Variants in IRAK2 observed in about 807,000 individuals in gnomAD.
The protein encoded by IRAK2 is interleukin-1 receptor-associated kinase-like 2.
A neutral mutation model predicts 72.0 loss-of-function variants in IRAK2; 57 were observed. The observed-to-expected ratio is 0.79, with a 90% CI of 0.64 to 0.99. The LOEUF (loss-of-function observed/expected upper bound fraction) is 0.99, where lower values mean the gene tolerates loss of function less well. Among genes scored for constraint, IRAK2 ranks in the 50% least tolerant of loss-of-function variants. The pLI is 0.00. For synonymous variants in IRAK2, 293 were observed against 312.7 expected (o/e 0.94, Z 0.67); for missense variants, 790 against 794.4 (o/e 0.99, Z 0.07).
intron 7 of IRAK2, among the ~76,000 whole-genome samples, chr3:10,218,174 A>G (rs1185697529): frequency 6.6e-6 from 1 of 152,204 alleles, no homozygotes; most frequent in African/African-American, 2.4e-5. Flanking sequence ...CTGTAATCCC[A>G]GTACATTGGG....
intron 2 of IRAK2, among the ~76,000 whole-genome samples, chr3:10,192,175 C>T (rs149186281): frequency 1.3e-5 from 2 of 152,096 alleles, no homozygotes; most frequent in Non-Finnish European, 2.9e-5. Context: ...CCAGCTGGCA[C>T]GAGGGTGCTT....
chr3:10,170,864 C>T (rs1253815686), intron 1 of IRAK2, among the ~76,000 whole-genome samples: 1 of 152,242 alleles, frequency 6.6e-6, no homozygotes. Flanking sequence ...AGTCCCAGTG[C>T]TCCAGTTCCC....
At chr3:10,196,259 T>C (rs1490659105) in intron 2 of IRAK2, among the ~76,000 whole-genome samples, 12 of 152,150 alleles carry the variant, frequency 7.9e-5, no homozygotes, top group African/African-American at 2.7e-4. Context: ...GGACTACAGG[T>C]GTGCACCACC....
intron 7 of IRAK2, 35 bp downstream of exon 7, chr3:10,217,083 A>C: frequency 1.4e-6 from 2 of 1,457,418 alleles, no homozygotes; most frequent in Non-Finnish European, 1.9e-6. Flanking sequence ...GAATGGGACC[A>C]GGCTGCACCC....
At chr3:10,231,796 T>C (rs2125163604) in intron 10 of IRAK2, among the ~76,000 whole-genome samples, 1 of 152,280 alleles carries the variant, frequency 6.6e-6, no homozygotes, top group African/African-American at 2.4e-5. Context: ...ATTACAGGTG[T>C]GAACCACCAC....
intron 6 of IRAK2, 95 bp from the exon 7 acceptor site, chr3:10,216,839 T>C (rs1462154093): frequency 2.2e-6 from 2 of 898,194 alleles, no homozygotes; most frequent in South Asian, 1.4e-5. Flanking sequence ...ATTGGTGGCG[T>C]TGGAGGAGGA....
At chr3:10,237,929 CTGTGTGTGTGTGTGTGTGTGTGTG>C (rs138639711) in intron 11 of IRAK2, among the ~76,000 whole-genome samples, 22 of 138,328 alleles carry the variant, frequency 1.6e-4, no homozygotes, top group African/African-American at 5.9e-4. Flanking sequence ...TATGTGTGCT[CTGTGTGTGTGTGTGTGTGTGTGTG>C]TGTGTGTGTG....
In IRAK2 at chr3:10,213,402, G is replaced by A. The variant is rs998737701; in HGVS notation, c.723+1G>A. On this transcript the variant is annotated splice_donor_variant, in intron 5 of 12. Coordinates refer to ENST00000256458, the MANE Select transcript of IRAK2 (RefSeq NM_001570.4). LOFTEE classifies it high-confidence loss of function. ...ATTCGTCTTCAAGAAGCTCAGAGAG[G>A]TGAGCACTTCTTGGTTTCTAGTGGG... 1.2e-6 allele frequency: 2 copies of A among 1,613,912 alleles called. No individual in the cohort carries two copies. The highest frequency in any genetic ancestry group is 1.7e-6 in the Non-Finnish European group (2 of 1,179,872).
intron 1 of IRAK2, among the ~76,000 whole-genome samples, chr3:10,166,020 C>T (rs1696683067): frequency 1.3e-5 from 2 of 151,772 alleles, no homozygotes; most frequent in South Asian, 4.2e-4. Flanking sequence ...TGAGCCACCG[C>T]GCCCGGCCTC....
intron 9 of IRAK2, among the ~76,000 whole-genome samples, chr3:10,224,220 G>T (rs181370800): frequency 1.3e-5 from 2 of 151,738 alleles, no homozygotes; most frequent in African/African-American, 4.8e-5. Flanking sequence ...GCCTGTAATC[G>T]CAGCTACCTG....
intron 1 of IRAK2, among the ~76,000 whole-genome samples, chr3:10,172,469 TGG>T: frequency 7.9e-6 from 1 of 127,066 alleles, no homozygotes; most frequent in Non-Finnish European, 1.6e-5. Context: ...ACCTGGGAGG[TGG>T]AGGTTGCAGT....
chr3:10,170,667 C>T (rs9866723), intron 1 of IRAK2, among the ~76,000 whole-genome samples: 1,556 of 152,298 alleles, frequency 0.01, 19 homozygotes, highest in African/African-American at 0.036. Context: ...TGCTGTATTC[C>T]CAGAGCCTGG....
In IRAK2 at chr3:10,182,408, G is replaced by A. The variant is rs527300418; in HGVS notation, c.277+4388G>A. Among the ~76,000 whole-genome samples, 30 of 150,366 alleles carry A rather than the reference G, an allele frequency of 2.0e-4. No individual in the cohort carries two copies. In the South Asian group the frequency reaches 3.6e-3, roughly 18 times the overall value. ...TGCCATTCTCCTGCCTCAGCCTCCC[G>A]AGTAGGTGGGACTACAGGTGCCCGC... On this transcript the variant is annotated intron_variant, in intron 2 of 12. Coordinates refer to ENST00000256458, the MANE Select transcript of IRAK2 (RefSeq NM_001570.4).
chr3:10,213,525 G>T lies in IRAK2; in HGVS notation c.765G>T (p.Gln255His). The T allele has an allele frequency of 4.3e-6, 7 of 1,614,118 alleles. No homozygotes were observed. The highest frequency in any genetic ancestry group is 5.1e-6 in the Non-Finnish European group (6 of 1,179,980). The part of the protein sequence containing the change: ...SSPGSIERFF[Q>H]AELQICLRCC... ...CAGGATCAATCGAAAGATTCTTCCA[G>T]GCAGAGTTGCAGATTTGTCTTAGGT... Residue 255 changes from glutamine (Q) to histidine (H), a missense_variant, in exon 6 of 13, where the codon CAG becomes CAT. Physicochemically the swap from Gln to His is conservative, Grantham distance 24. Coordinates refer to ENST00000256458, the MANE Select transcript of IRAK2 (RefSeq NM_001570.4).
intron 2 of IRAK2, among the ~76,000 whole-genome samples, chr3:10,197,251 G>A (rs1697282993): frequency 6.6e-6 from 1 of 152,002 alleles, no homozygotes; most frequent in Non-Finnish European, 1.5e-5. Context: ...TGGATGTGGT[G>A]TTGCAAACCT....
At chr3:10,211,462 TA>T (rs1178884527) in intron 4 of IRAK2, among the ~76,000 whole-genome samples, 2,921 of 39,354 alleles carry the variant, frequency 0.074, 72 homozygotes, top group East Asian at 0.27. Flanking sequence ...AAAAAAAGTT[TA>T]AAAAATAAGC....
At chr3:10,167,679 T>G (rs559052395) in intron 1 of IRAK2, among the ~76,000 whole-genome samples, 2 of 152,328 alleles carry the variant, frequency 1.3e-5, no homozygotes, top group African/African-American at 2.4e-5. Context: ...CTTCCCAAAG[T>G]GCTGGGATTA....
At chr3:10,204,933 T>A (rs1037909301) in intron 3 of IRAK2, among the ~76,000 whole-genome samples, 1 of 152,242 alleles carries the variant, frequency 6.6e-6, no homozygotes, top group African/African-American at 2.4e-5. Flanking sequence ...TCTATCACTA[T>A]CACCCAACAA....
chr3:10,237,805 CAAAAAAAAAAAA>C, intron 11 of IRAK2, among the ~76,000 whole-genome samples: 1 of 55,788 alleles, frequency 1.8e-5, no homozygotes, highest in East Asian at 5.2e-4. Context: ...GACTCTGTCT[CAAAAAAAAAAAA>C]AAAAAAAAGA....
Sources: allele counts gnomAD v4.1 joint callset (sites outside exome capture counted in the v4.1 genomes callset), GRCh38; gene constraint gnomAD v4.1.1; transcripts MANE v1.5; gene names NCBI Gene and HGNC (gene_info 2026-07-23, HGNC 2026-07-21).